LDLRAD3: variants seen among roughly 807,000 people sequenced by gnomAD.
LDLRAD3 encodes low-density lipoprotein receptor class A domain-containing protein 3.
A neutral mutation model predicts 29.4 loss-of-function variants in LDLRAD3; 20 were observed. The ratio of observed to expected loss-of-function variants is 0.68; its 90% CI spans 0.48 to 0.99. The LOEUF (loss-of-function observed/expected upper bound fraction) is 0.99, where lower values mean the gene tolerates loss of function less well. Among genes scored for constraint, LDLRAD3 ranks in the 50% least tolerant of loss-of-function variants. The pLI is 0.00. For missense variants in LDLRAD3, 420 were observed against 454.3 expected, an observed-to-expected ratio of 0.92 and a Z score of 0.69; for synonymous variants, 157 against 192.7, an observed-to-expected ratio of 0.81 and a Z score of 1.53.
intron 4 of LDLRAD3, among the ~76,000 whole-genome samples, chr11:36,143,578 G>A (rs897150231): frequency 6.6e-6 from 1 of 152,208 alleles, no homozygotes; most frequent in Non-Finnish European, 1.5e-5. Context: ...AGAGAAACAG[G>A]TATGGAGACT....
chr11:36,074,923 C>T (rs1263651473), intron 2 of LDLRAD3, among the ~76,000 whole-genome samples: 1 of 152,200 alleles, frequency 6.6e-6, no homozygotes, highest in East Asian at 1.9e-4. Context: ...ATTAACGCAG[C>T]AGGCCTGACT....
At chr11:36,219,411 A>G (rs1238748072) in intron 4 of LDLRAD3, among the ~76,000 whole-genome samples, 1 of 152,234 alleles carries the variant, frequency 6.6e-6, no homozygotes, top group Non-Finnish European at 1.5e-5. Flanking sequence ...AGACTTAACT[A>G]TAAAGCTGTA....
rs531639630 is a variant in LDLRAD3, at chr11:36,083,484, A to G, written c.319+1706A>G. Among the ~76,000 whole-genome samples the G allele has an allele frequency of 1.9e-3, 296 of 152,298 alleles. 1 individual carries two copies. Among genetic ancestry groups the G allele is most frequent in the African/African-American group, 6.9e-3 (288 of 41,556 alleles). Reference sequence around the variant, plus strand: ...TTTATCCCATTGTTGGAGATACTAGATTGCTGGAGAATTAGATGAAATAAT... The same window carrying G: ...TTTATCCCATTGTTGGAGATACTAGGTTGCTGGAGAATTAGATGAAATAAT... On this transcript the variant is annotated intron_variant, in intron 3 of 5. Transcript: ENST00000315571.
chr11:36,224,068 TTATTATATAATTATA>T (rs888293335), intron 4 of LDLRAD3, among the ~76,000 whole-genome samples: 67 of 148,700 alleles, frequency 4.5e-4, no homozygotes, highest in South Asian at 1.9e-3. Flanking sequence ...TATTTTATCA[TTATTATATAATTATA>T]TATTATATAA....
chr11:36,060,227 A>G (rs1358804949), intron 2 of LDLRAD3, among the ~76,000 whole-genome samples: 1 of 151,820 alleles, frequency 6.6e-6, no homozygotes, highest in African/African-American at 2.4e-5. Flanking sequence ...GGTGGTGGGC[A>G]CCTGTAATCC....
chr11:36,053,256 A>T (rs543256206), intron 2 of LDLRAD3, among the ~76,000 whole-genome samples: 2 of 151,876 alleles, frequency 1.3e-5, no homozygotes, highest in African/African-American at 4.8e-5. Context: ...TTCTTTTTTT[A>T]AATCTCATTT....
rs901618447 is a variant in LDLRAD3 at position 36,231,645 on chromosome 11, C to CT, written c.*2254dup. Reference sequence around the variant, plus strand: ...AGTAGATAAGGGATGCCTACTAATGCTTTTTTAAAACAAACAGGGACATTT... The same window carrying CT: ...AGTAGATAAGGGATGCCTACTAATGCTTTTTTTAAAACAAACAGGGACATTT... On this transcript the variant is annotated 3_prime_UTR_variant, in exon 6 of 6. Transcript: ENST00000315571. 4.6e-5 allele frequency: 7 copies of CT among 151,838 alleles called. No homozygotes were observed. The highest frequency in any genetic ancestry group is 1.7e-4 in the African/African-American group (7 of 41,286). The allele number at this position is 151,838 out of a possible 1,614,324, so 9.4% of individuals were successfully genotyped here.
intron 4 of LDLRAD3, among the ~76,000 whole-genome samples, chr11:36,108,560 T>C (rs1210100321): frequency 6.6e-6 from 1 of 151,766 alleles, no homozygotes; most frequent in Non-Finnish European, 1.5e-5. Context: ...GGGCAGTCAG[T>C]GGGGTGCTAA....
chr11:36,159,492 C>T (rs575414001), intron 4 of LDLRAD3, among the ~76,000 whole-genome samples: 35 of 146,920 alleles, frequency 2.4e-4, no homozygotes, highest in South Asian at 6.7e-4. Context: ...GAGCCAGATG[C>T]GGTGGCTCAC....
chr11:36,184,450 C>A (rs2133360025), intron 4 of LDLRAD3, among the ~76,000 whole-genome samples: 1 of 152,304 alleles, frequency 6.6e-6, no homozygotes, highest in Admixed American at 6.5e-5. Flanking sequence ...TACTGGTCTA[C>A]TCATGGTATC....
In LDLRAD3 at chr11:36,226,456, C is replaced by T. The variant is rs78310124; in HGVS notation, c.455-629C>T. ...TGTGTTATACATTTCTACTAAAGAA[C>T]GGATTTCTGCTACAAGAACTCTCAC... On this transcript the variant is annotated intron_variant, in intron 4 of 5. Coordinates refer to ENST00000315571, the MANE Select transcript of LDLRAD3 (RefSeq NM_174902.4). Among the ~76,000 whole-genome samples the T allele has an allele frequency of 8.2e-3, 1,246 of 152,314 alleles. 19 individuals are homozygous for T. Among genetic ancestry groups the T allele is most frequent in the African/African-American group, 0.029 (1,185 of 41,554 alleles).
At chr11:36,077,792 T>G (rs1188431764) in intron 2 of LDLRAD3, among the ~76,000 whole-genome samples, 2 of 152,184 alleles carry the variant, frequency 1.3e-5, no homozygotes, top group Non-Finnish European at 2.9e-5. Context: ...GGGCCACAGC[T>G]CTTCTCTTCC....
intron 2 of LDLRAD3, among the ~76,000 whole-genome samples, chr11:36,049,640 T>G (rs974496397): frequency 2.6e-5 from 4 of 152,206 alleles, no homozygotes; most frequent in African/African-American, 9.6e-5. Flanking sequence ...GGGAATGTCT[T>G]AGGTCTGAAA....
intron 4 of LDLRAD3, among the ~76,000 whole-genome samples, chr11:36,104,965 C>G (rs1853505563): frequency 6.6e-6 from 1 of 152,160 alleles, no homozygotes; most frequent in Non-Finnish European, 1.5e-5. Flanking sequence ...GTTTTCCTTT[C>G]CATGAAAAAG....
At chr11:36,188,211 C>T (rs531012122) in intron 4 of LDLRAD3, among the ~76,000 whole-genome samples, 1 of 151,788 alleles carries the variant, frequency 6.6e-6, no homozygotes, top group Non-Finnish European at 1.5e-5. Flanking sequence ...CAGGTGCCTT[C>T]AATAGTTGAG....
At chr11:36,190,890 G>A (rs1176370370) in intron 4 of LDLRAD3, among the ~76,000 whole-genome samples, 2 of 152,174 alleles carry the variant, frequency 1.3e-5, no homozygotes, top group African/African-American at 4.8e-5. Context: ...AATCAAAATG[G>A]TGTCAGTCTT....
intron 2 of LDLRAD3, among the ~76,000 whole-genome samples, chr11:36,069,876 A>C (rs1852867697): frequency 6.6e-6 from 1 of 152,208 alleles, no homozygotes; most frequent in Non-Finnish European, 1.5e-5. Context: ...TTGTGAATTA[A>C]TATTAGTGGA....
At chr11:36,101,146 G>A (rs1590267720) in intron 4 of LDLRAD3, among the ~76,000 whole-genome samples, 1 of 152,202 alleles carries the variant, frequency 6.6e-6, no homozygotes, top group East Asian at 1.9e-4. Flanking sequence ...ACATATGCAC[G>A]TGCTCCCAGA....
intron 4 of LDLRAD3, among the ~76,000 whole-genome samples, chr11:36,202,417 C>T (rs977105696): frequency 6.6e-5 from 10 of 152,188 alleles, no homozygotes; most frequent in African/African-American, 9.7e-5. Context: ...AACAGCACCT[C>T]TCACGGTTGA....
Sources: gnomAD v4.1 joint callset for allele counts (sites outside exome capture counted in the v4.1 genomes callset) on GRCh38, gnomAD v4.1.1 for gene constraint, MANE v1.5 for transcripts, NCBI Gene and HGNC (gene_info 2026-07-23, HGNC 2026-07-21) for gene names.